Variants in NDST3 observed in about 807,000 individuals in gnomAD.
The protein encoded by NDST3 is N-deacetylase and N-sulfotransferase 3.
A neutral mutation model predicts 96.1 loss-of-function variants in NDST3; 58 were observed. The ratio of observed to expected loss-of-function variants is 0.60; its 90% CI spans 0.49 to 0.75. NDST3 has a LOEUF of 0.75. Among genes scored for constraint, NDST3 ranks in the 30% least tolerant of loss-of-function variants. The pLI, the probability that NDST3 is intolerant of heterozygous loss-of-function variation, is 0.00. For synonymous variants in NDST3, 333 were observed against 359.7 expected, an observed-to-expected ratio of 0.93 and a Z score of 0.84; for missense variants, 788 against 1,034.2, an observed-to-expected ratio of 0.76 and a Z score of 3.27.
intron 2 of NDST3, among the ~76,000 whole-genome samples, chr4:118,091,707 T>A (rs1171269678): frequency 2.6e-5 from 4 of 151,762 alleles, no homozygotes; most frequent in Non-Finnish European, 5.9e-5. Flanking sequence ...TACCCTTTCC[T>A]GTTACAGTAG....
At chr4:118,108,602 AT>A (rs1730394746) in intron 3 of NDST3, among the ~76,000 whole-genome samples, 1 of 152,178 alleles carries the variant, frequency 6.6e-6, no homozygotes, top group South Asian at 2.1e-4. Context: ...TAGTAATTTT[AT>A]TTTTAGATAG....
intron 1 of NDST3, among the ~76,000 whole-genome samples, chr4:118,038,511 C>A (rs1724272298): frequency 6.6e-6 from 1 of 152,170 alleles, no homozygotes; most frequent in Non-Finnish European, 1.5e-5. Context: ...AGAGTGTATT[C>A]TTGGTCATAC....
At chr4:118,123,355 G>C (rs919080333) in intron 4 of NDST3, among the ~76,000 whole-genome samples, 3 of 152,104 alleles carry the variant, frequency 2.0e-5, no homozygotes, top group African/African-American at 7.2e-5. Flanking sequence ...AAATGTGTGT[G>C]CAAGTACTCT....
At chr4:118,075,633 T>C (rs555687673) in intron 2 of NDST3, among the ~76,000 whole-genome samples, 1 of 152,240 alleles carries the variant, frequency 6.6e-6, no homozygotes, top group African/African-American at 2.4e-5. Flanking sequence ...TTGATTTGCA[T>C]TTCTCTGATG....
intron 1 of NDST3, among the ~76,000 whole-genome samples, chr4:118,040,871 A>ATATATATATATTTATATATATATATATT (rs1560603305): frequency 1.3e-4 from 7 of 53,302 alleles, no homozygotes; most frequent in Admixed American, 9.5e-4. Flanking sequence ...ATATTTTTAT[A>ATATATATATATTTATATATATATATATT]TATATATATA....
intron 4 of NDST3, among the ~76,000 whole-genome samples, chr4:118,133,830 C>A (rs913593840): frequency 1.3e-5 from 2 of 152,184 alleles, no homozygotes; most frequent in African/African-American, 4.8e-5. Context: ...AGAATCAGAT[C>A]ATACTTTTTC....
intron 6 of NDST3, among the ~76,000 whole-genome samples, chr4:118,170,630 G>A (rs1318093236): frequency 6.6e-6 from 1 of 152,204 alleles, no homozygotes; most frequent in Non-Finnish European, 1.5e-5. Flanking sequence ...TTGGGAGGCT[G>A]AGGCAGAAGA....
At position 118,224,529 on chromosome 4, in the gene NDST3, T is replaced by C. The variant is rs140777915; in HGVS notation, c.1578T>C (p.Asn526=). The part of the protein sequence containing the change: ...IFMTHLSNYG[N]DRLGLYTFVN... ...TGACCCATTTGTCCAACTATGGGAA[T>C]GACCGACTGGGATTATATACATTTG... Residue 526 remains asparagine (N), a synonymous_variant, in exon 7 of 14, where the codon AAT becomes AAC. Transcript: ENST00000296499. 287 of 1,610,598 alleles carry C rather than the reference T, an allele frequency of 1.8e-4. 1 individual carries two copies. The African/African-American group carries it at 3.3e-3, about 18-fold the overall frequency.
intron 5 of NDST3, among the ~76,000 whole-genome samples, chr4:118,140,319 G>A (rs1733467925): frequency 6.6e-6 from 1 of 152,052 alleles, no homozygotes; most frequent in Non-Finnish European, 1.5e-5. Context: ...CATACCTACA[G>A]GGATCTTATT....
chr4:118,183,652 G>A (rs1335501408), intron 6 of NDST3, among the ~76,000 whole-genome samples: 3 of 152,154 alleles, frequency 2.0e-5, no homozygotes, highest in Non-Finnish European at 4.4e-5. Context: ...TCTTCAAGTG[G>A]ATGAATGACC....
At chr4:118,093,705 C>T (rs1729067436) in intron 2 of NDST3, among the ~76,000 whole-genome samples, 1 of 151,810 alleles carries the variant, frequency 6.6e-6, no homozygotes, top group Admixed American at 6.6e-5. Flanking sequence ...GCCTGTTAGA[C>T]CTATATGTAT....
chr4:118,044,973 A>AGGTG (rs1436085596), intron 1 of NDST3, among the ~76,000 whole-genome samples: 9 of 152,144 alleles, frequency 5.9e-5, no homozygotes, highest in Non-Finnish European at 4.4e-5. Context: ...ACACTGTTGC[A>AGGTG]TTGGGAATTA....
chr4:118,226,960 G>C lies in NDST3; in HGVS notation c.1797G>C (p.Leu599Phe). 1 of 1,612,860 alleles carries C rather than the reference G, an allele frequency of 6.2e-7. No homozygotes were observed. Among genetic ancestry groups the C allele is most frequent in the Admixed American group, 1.7e-5 (1 of 59,876 alleles). ...CTTGTGATCGCTTACCAAAATTCTT[G>C]GTAATAGGACCCCAGAAAACTGGTG... is the stretch of plus-strand genomic sequence containing the variant. ...EKTCDRLPKF[L>F]VIGPQKTGTT... The change falls in exon 8 of 14, where the codon TTG becomes TTC. Residue 599 changes from leucine to phenylalanine, a missense_variant. Around this residue, in one of 3 missense-constraint regions of NDST3, gnomAD observed 490 missense variants for 708.8 expected, o/e 0.69. Transcript: ENST00000296499.
intron 6 of NDST3, among the ~76,000 whole-genome samples, chr4:118,195,044 T>A (rs533827440): frequency 3.9e-5 from 6 of 152,210 alleles, no homozygotes; most frequent in Non-Finnish European, 8.8e-5. Context: ...GTGAAGAATG[T>A]CATTGGTATT....
chr4:118,258,303 A>G lies in NDST3; in HGVS notation c.*2591A>G, dbSNP rs1029770624. 3 of 152,356 alleles carry G rather than the reference A, an allele frequency of 2.0e-5. No homozygotes were observed. In the Middle Eastern group the frequency reaches 0.01, roughly 518 times the overall value. The allele number at this position is 152,356 out of a possible 1,614,324, so 9.4% of individuals were successfully genotyped here. On this transcript the variant is annotated 3_prime_UTR_variant, in exon 14 of 14. Coordinates refer to ENST00000296499, the MANE Select transcript of NDST3 (RefSeq NM_004784.3). ...AAGACAGCATCAAATTCTAGAGGAC[A>G]TGCATACTTTCCACATTATATACTC... is the stretch of plus-strand genomic sequence containing the variant.
intron 2 of NDST3, among the ~76,000 whole-genome samples, chr4:118,100,187 T>C (rs999908539): frequency 2.0e-5 from 3 of 152,078 alleles, no homozygotes; most frequent in African/African-American, 7.2e-5. Context: ...TCCAATTTAC[T>C]GAGGGATTGA....
intron 4 of NDST3, among the ~76,000 whole-genome samples, chr4:118,117,317 T>A (rs12641173): frequency 0.53 from 79,962 of 151,888 alleles, 25,291 homozygotes; most frequent in East Asian, 0.74. Context: ...AGCTGCTGTT[T>A]TTATCATTAT....
At chr4:118,143,053 T>C (rs1322126428) in intron 5 of NDST3, among the ~76,000 whole-genome samples, 1 of 152,180 alleles carries the variant, frequency 6.6e-6, no homozygotes, top group Non-Finnish European at 1.5e-5. Context: ...CTGTGATTTG[T>C]GTCTCAAATA....
intron 6 of NDST3, among the ~76,000 whole-genome samples, chr4:118,218,188 T>C (rs1021695440): frequency 1.3e-5 from 2 of 152,114 alleles, no homozygotes; most frequent in African/African-American, 4.8e-5. Flanking sequence ...CCTAACTCAT[T>C]TTATAAGATC....
Sources: gnomAD v4.1 joint callset for allele counts (sites outside exome capture counted in the v4.1 genomes callset) on GRCh38, gnomAD v4.1.1 for gene constraint, gnomAD v4.1.1 regional missense constraint, MANE v1.5 for transcripts, NCBI Gene and HGNC (gene_info 2026-07-23, HGNC 2026-07-21) for gene names.